Variants in TMEM272 observed in about 807,000 individuals in gnomAD.
The protein encoded by TMEM272 is transmembrane protein 272, also known as long intergenic non-protein coding RNA 282.
In TMEM272, 8 loss-of-function variants were observed where a neutral mutation model predicts 3.7. The observed-to-expected ratio is 2.17, with a 90% CI of 1.27 to 3.91. The LOEUF (loss-of-function observed/expected upper bound fraction) is 3.91. Ranked by LOEUF, TMEM272 falls within the 30% of genes most tolerant of loss-of-function variation. TMEM272 has a pLI of 0.00. For synonymous variants in TMEM272, 63 were observed against 39.8 expected, an observed-to-expected ratio of 1.58 and a Z score of -2.20; for missense variants, 166 against 91.5, an observed-to-expected ratio of 1.81 and a Z score of -3.32.
At chr13:51,903,230 G>A in the TMEM272 span, among the ~76,000 whole-genome samples, 1 of 152,230 alleles carries the variant, frequency 6.6e-6, no homozygotes, top group Non-Finnish European at 1.5e-5. Context: ...GCAGCAAGGT[G>A]ATCTAGAGAC....
At chr13:51,917,161 TG>T in the TMEM272 span, among the ~76,000 whole-genome samples, 1 of 152,214 alleles carries the variant, frequency 6.6e-6, no homozygotes, top group Non-Finnish European at 1.5e-5. Context: ...AACATCACCA[TG>T]GAGCTCCACA....
Position 51,813,558 on chromosome 13 carries a change from A to C in TMEM272, c.*3193T>G. 1 of 302,100 alleles carries C rather than the reference A, an allele frequency of 3.3e-6. No homozygotes were observed. The highest frequency in any genetic ancestry group is 6.0e-6 in the Non-Finnish European group (1 of 165,452). The allele number at this position is 302,100 out of a possible 1,614,324, so 18.7% of individuals were successfully genotyped here. A position where few individuals can be genotyped will look rare whatever the true frequency, so the allele number is the denominator to read the frequency against. On this transcript the variant is annotated 3_prime_UTR_variant, in exon 5 of 5. Transcript: ENST00000629372. ...CCTGACATAAGCCAGTCCAGGCTGT[A>C]TGTGTGGCCCGAGTGCACACATGCG... is the stretch of plus-strand genomic sequence containing the variant.
At chr13:51,885,747 C>T in the TMEM272 span, among the ~76,000 whole-genome samples, 1 of 152,216 alleles carries the variant, frequency 6.6e-6, no homozygotes, top group Non-Finnish European at 1.5e-5. Flanking sequence ...AGTTTCCCCT[C>T]CTAGGCACTT....
Position 51,816,437 on chromosome 13 carries a change from C to T in TMEM272, c.*314G>A, listed in dbSNP as rs535982180. The stretch of plus-strand genomic sequence containing the variant: ...TTGCACTATGATTTGAAAAGGTCTC[C>T]CATTCTTTGCCTCCCACACTTCATA... On this transcript the variant is annotated 3_prime_UTR_variant, in exon 5 of 5. Transcript: ENST00000629372. 17 of 246,074 alleles carry T rather than the reference C, an allele frequency of 6.9e-5. No homozygotes were observed. Among genetic ancestry groups the T allele is most frequent in the African/African-American group, 3.5e-4 (16 of 45,946 alleles). The allele number at this position is 246,074 out of a possible 1,614,324, so 15.2% of individuals were successfully genotyped here. A position where few individuals can be genotyped will look rare whatever the true frequency, so the allele number is the denominator to read the frequency against.
the TMEM272 span, among the ~76,000 whole-genome samples, chr13:51,860,219 G>C: frequency 9.2e-5 from 14 of 152,238 alleles, no homozygotes; most frequent in South Asian, 2.7e-3. Context: ...GTTATTCTCT[G>C]AGTAATTGTC....
chr13:51,910,249 G>C, the TMEM272 span: 3,038 of 1,383,956 alleles, frequency 2.2e-3, 45 homozygotes, highest in African/African-American at 0.037. Flanking sequence ...TCCAGACTTT[G>C]TGCTTCTGTT....
chr13:51,826,747 G>C, intron 2 of TMEM272, 122 bp from the exon 3 acceptor site: 1 of 661,408 alleles, frequency 1.5e-6, no homozygotes, highest in Non-Finnish European at 2.8e-6. Context: ...CAAGTCAGCA[G>C]ACAGGAGGAG....
intron 4 of TMEM272, among the ~76,000 whole-genome samples, chr13:51,818,945 T>C (rs1437484780): frequency 6.6e-6 from 1 of 152,050 alleles, no homozygotes; most frequent in Non-Finnish European, 1.5e-5. Flanking sequence ...AGGGCAGTGG[T>C]CCACACCTCT....
the TMEM272 span, among the ~76,000 whole-genome samples, chr13:51,893,779 G>A: frequency 1.3e-5 from 2 of 152,082 alleles, no homozygotes; most frequent in Non-Finnish European, 2.9e-5. Context: ...TTGGATAGGT[G>A]CCCAGAATTA....
the TMEM272 span, among the ~76,000 whole-genome samples, chr13:51,852,675 C>G: frequency 2.6e-5 from 4 of 152,064 alleles, no homozygotes; most frequent in East Asian, 5.8e-4. Flanking sequence ...GTCAAGAGAT[C>G]GAGACCATCC....
the TMEM272 span, among the ~76,000 whole-genome samples, chr13:51,926,807 A>G: frequency 2.6e-5 from 4 of 152,228 alleles, no homozygotes; most frequent in African/African-American, 7.2e-5. Context: ...TTAAAACATT[A>G]CTAGATCATT....
intron 2 of TMEM272, among the ~76,000 whole-genome samples, chr13:51,838,252 C>T (rs1033795513): frequency 1.3e-5 from 2 of 152,166 alleles, no homozygotes; most frequent in African/African-American, 4.8e-5. Flanking sequence ...ATGGAAAACA[C>T]ATACAGTGAA....
chr13:51,902,013 G>T, the TMEM272 span, among the ~76,000 whole-genome samples: 1 of 152,154 alleles, frequency 6.6e-6, no homozygotes, highest in African/African-American at 2.4e-5. Context: ...ATCCACTGGG[G>T]TCAAGCTCCA....
At chr13:51,901,529 A>C in the TMEM272 span, among the ~76,000 whole-genome samples, 2 of 151,658 alleles carry the variant, frequency 1.3e-5, no homozygotes, top group Admixed American at 1.3e-4. Context: ...AAAAATGAAG[A>C]AGAATCCAAC....
intron 3 of TMEM272, among the ~76,000 whole-genome samples, chr13:51,826,159 GTA>G (rs1956123591): frequency 9.0e-6 from 1 of 110,784 alleles, no homozygotes; most frequent in African/African-American, 3.9e-5. Context: ...AAAAAAAAAT[GTA>G]TAGAGTGCCC....
At chr13:51,835,719 G>C (rs547762451) in intron 2 of TMEM272, among the ~76,000 whole-genome samples, 1 of 152,294 alleles carries the variant, frequency 6.6e-6, no homozygotes, top group African/African-American at 2.4e-5. Context: ...AATTCTAAAA[G>C]ACATATTAAT....
chr13:51,834,928 A>C (rs1956202238), intron 2 of TMEM272, among the ~76,000 whole-genome samples: 1 of 152,220 alleles, frequency 6.6e-6, no homozygotes, highest in Middle Eastern at 3.2e-3. Context: ...GCTGCAGGGA[A>C]GCAAATGTTC....
chr13:51,929,183 G>A, the TMEM272 span, among the ~76,000 whole-genome samples: 1 of 151,976 alleles, frequency 6.6e-6, no homozygotes, highest in South Asian at 2.1e-4. Context: ...AGGACAGAGT[G>A]AGACTCCATC....
chr13:51,824,314 G>C (rs1051596836), intron 3 of TMEM272, among the ~76,000 whole-genome samples: 1 of 152,140 alleles, frequency 6.6e-6, no homozygotes, highest in African/African-American at 2.4e-5. Flanking sequence ...CCCTAGTTCA[G>C]TTGATAACAA....
Sources: gnomAD v4.1 joint callset for allele counts (sites outside exome capture counted in the v4.1 genomes callset) on GRCh38, gnomAD v4.1.1 for gene constraint, MANE v1.5 for transcripts, NCBI Gene and HGNC (gene_info 2026-07-23, HGNC 2026-07-21) for gene names.